The following LDAH variants were observed in gnomAD, a reference collection of about 807,000 sequenced individuals.
The protein encoded by LDAH is lipid droplet associated hydrolase, also known as lipid droplet-associated hydrolase.
In LDAH, 26 loss-of-function variants were observed where a neutral mutation model predicts 29.6. The ratio of observed to expected loss-of-function variants is 0.88; its 90% CI spans 0.64 to 1.22. The LOEUF is 1.22. LDAH is among the 50% of genes most tolerant of loss of function. The pLI, the probability that LDAH is intolerant of heterozygous loss-of-function variation, is 0.00. For synonymous variants in LDAH, 117 were observed against 133.0 expected, an observed-to-expected ratio of 0.88 and a Z score of 0.83; for missense variants, 344 against 387.3, an observed-to-expected ratio of 0.89 and a Z score of 0.94.
In LDAH at chr2:20,781,334, A is replaced by G. The variant is rs531583961; in HGVS notation, c.299-6355T>C. On this transcript the variant is annotated intron_variant, in intron 3 of 6. Coordinates refer to ENST00000237822, the MANE Select transcript of LDAH (RefSeq NM_021925.4). Reference sequence around the variant, plus strand: ...GATTGTGATAATGTGGTCTACTAGAATATTATTTCCAACTGTTCATAATTT... The same window carrying G: ...GATTGTGATAATGTGGTCTACTAGAGTATTATTTCCAACTGTTCATAATTT... Among the ~76,000 whole-genome samples the G allele has an allele frequency of 3.3e-5, 5 of 152,306 alleles. No individual in the cohort carries two copies. In the East Asian group the frequency reaches 7.7e-4, roughly 24 times the overall value.
intron 1 of LDAH, among the ~76,000 whole-genome samples, chr2:20,816,521 A>G (rs1466384021): frequency 2.0e-5 from 3 of 152,106 alleles, no homozygotes; most frequent in African/African-American, 7.2e-5. Flanking sequence ...ATTATTGTAC[A>G]AAGATACAAG....
intron 2 of LDAH, 38 bp downstream of exon 2, chr2:20,801,272 T>A (rs1163207010): frequency 1.3e-6 from 2 of 1,584,088 alleles, no homozygotes; most frequent in Non-Finnish European, 1.7e-6. Context: ...GTTATGAGTA[T>A]CTACAAAAAG....
At chr2:20,696,403 C>T (rs997215706) in intron 6 of LDAH, among the ~76,000 whole-genome samples, 1 of 152,184 alleles carries the variant, frequency 6.6e-6, no homozygotes, top group Non-Finnish European at 1.5e-5. Context: ...TGGCCTGGCC[C>T]TCTGGGGGCA....
At chr2:20,771,147 A>G (rs1044641397) in intron 4 of LDAH, among the ~76,000 whole-genome samples, 1 of 152,158 alleles carries the variant, frequency 6.6e-6, no homozygotes, top group Admixed American at 6.5e-5. Context: ...ATTTTTTTAA[A>G]GGGGCAACTT....
rs1243583200 is a variant in LDAH, at chr2:20,686,356, C to A, written c.*547G>T. 1 of 152,844 alleles carries A rather than the reference C, an allele frequency of 6.5e-6. No homozygotes were observed. Among genetic ancestry groups the A allele is most frequent in the Non-Finnish European group, 1.5e-5 (1 of 68,558 alleles). 9.5% of individuals were successfully genotyped at this position (152,844 alleles called of 1,614,324 possible). ...TTGATGATCTCAGCCAAGATCTGTG[C>A]TAAGTTAGCCTGGGCTCATCTTCAT... On this transcript the variant is annotated 3_prime_UTR_variant, in exon 7 of 7. Transcript: ENST00000237822.
At position 20,801,319 on chromosome 2, in the gene LDAH, T is replaced by C. The variant is rs1490671959; in HGVS notation, c.145A>G (p.Ile49Val). ...SVKRPKLLIF[I>V]IPGNPGFSAF... Reference sequence around the variant, plus strand: ...AGACTTTTACGCTCACCAGGAATAATGAAAATAAGCAGCTTAGGCCTTTTG... The same window carrying C: ...AGACTTTTACGCTCACCAGGAATAACGAAAATAAGCAGCTTAGGCCTTTTG... The change falls in exon 2 of 7, where the codon ATT (isoleucine) becomes GTT (valine). Residue 49 changes from isoleucine to valine, a missense_variant. Coordinates refer to ENST00000237822, the MANE Select transcript of LDAH (RefSeq NM_021925.4). 1.9e-6 allele frequency: 3 copies of C among 1,613,194 alleles called. No individual in the cohort carries two copies. The highest frequency in any genetic ancestry group is 2.5e-6 in the Non-Finnish European group (3 of 1,179,816).
chr2:20,729,379 T>C (rs1034055736), intron 5 of LDAH, among the ~76,000 whole-genome samples: 2 of 152,216 alleles, frequency 1.3e-5, no homozygotes, highest in African/African-American at 4.8e-5. Context: ...AATATACCGT[T>C]AAGAATAATT....
chr2:20,792,826 G>A (rs1671064984), intron 2 of LDAH, among the ~76,000 whole-genome samples: 1 of 152,068 alleles, frequency 6.6e-6, no homozygotes, highest in Non-Finnish European at 1.5e-5. Context: ...CCTAGATGAT[G>A]GGTTGACAGG....
chr2:20,759,318 C>T (rs1249822831), intron 4 of LDAH, among the ~76,000 whole-genome samples: 2 of 152,106 alleles, frequency 1.3e-5, no homozygotes, highest in Non-Finnish European at 2.9e-5. Context: ...ATCAATACAC[C>T]TTCCTGATAC....
chr2:20,738,085 C>T (rs1478178182), intron 5 of LDAH, among the ~76,000 whole-genome samples: 1 of 142,940 alleles, frequency 7.0e-6, no homozygotes, highest in Admixed American at 7.3e-5. Context: ...AACTCTGTCT[C>T]TAAAAAAAAT....
At chr2:20,819,468 G>C (rs571997669) in intron 1 of LDAH, among the ~76,000 whole-genome samples, 3 of 152,054 alleles carry the variant, frequency 2.0e-5, no homozygotes, top group African/African-American at 7.2e-5. Flanking sequence ...AAAAGTCCTC[G>C]CAAATCAATA....
chr2:20,811,018 TC>T (rs1197083158), intron 1 of LDAH, among the ~76,000 whole-genome samples: 57 of 148,516 alleles, frequency 3.8e-4, no homozygotes, highest in African/African-American at 1.4e-3. Flanking sequence ...TATTCGACCT[TC>T]TTTTTTTTTT....
chr2:20,692,127 A>G (rs340599), intron 6 of LDAH, among the ~76,000 whole-genome samples: 73,938 of 152,022 alleles, frequency 0.49, 18,277 homozygotes, highest in African/African-American at 0.58. Context: ...ATCTGGTACT[A>G]GGCTAAGTGG....
rs979351604 is a variant in LDAH, at chr2:20,783,007, A to G, written c.298+7248T>C. 8.5e-5 allele frequency among the ~76,000 whole-genome samples: 13 copies of G among 152,288 alleles called. No individual in the cohort carries two copies. The East Asian group carries it at 2.1e-3, about 25-fold the overall frequency. Reference sequence around the variant, plus strand: ...GTTTTGCTATATCCTACCAATTTTTATAAGTTGTATTTCCACTTTTATTTT... The same window carrying G: ...GTTTTGCTATATCCTACCAATTTTTGTAAGTTGTATTTCCACTTTTATTTT... On this transcript the variant is annotated intron_variant, in intron 3 of 6. Transcript: ENST00000237822.
At chr2:20,699,429 C>G (rs558556697) in intron 6 of LDAH, among the ~76,000 whole-genome samples, 1 of 152,276 alleles carries the variant, frequency 6.6e-6, no homozygotes. Context: ...GTTGATTCAA[C>G]TTCTACCAAT....
intron 3 of LDAH, among the ~76,000 whole-genome samples, chr2:20,788,526 TA>T (rs1464653106): frequency 6.6e-6 from 1 of 152,210 alleles, no homozygotes; most frequent in Non-Finnish European, 1.5e-5. Flanking sequence ...CATCAATGTC[TA>T]AAAGAATCAT....
At chr2:20,704,238 G>T (rs1469950570) in intron 5 of LDAH, among the ~76,000 whole-genome samples, 1 of 152,210 alleles carries the variant, frequency 6.6e-6, no homozygotes, top group Non-Finnish European at 1.5e-5. Flanking sequence ...ATATTAGCAT[G>T]AGTACATATA....
At chr2:20,716,620 C>G (rs1665213165) in intron 5 of LDAH, among the ~76,000 whole-genome samples, 1 of 151,340 alleles carries the variant, frequency 6.6e-6, no homozygotes, top group East Asian at 1.9e-4. Context: ...GAGAAATTCC[C>G]AATGTAAATG....
At chr2:20,776,192 A>C (rs1183754099) in intron 3 of LDAH, among the ~76,000 whole-genome samples, 1 of 152,052 alleles carries the variant, frequency 6.6e-6, no homozygotes, top group Non-Finnish European at 1.5e-5. Context: ...GGCACCCCAA[A>C]CTCAGAAAAA....
Sources: allele counts gnomAD v4.1 joint callset (sites outside exome capture counted in the v4.1 genomes callset), GRCh38; gene constraint gnomAD v4.1.1; transcripts MANE v1.5; gene names NCBI Gene and HGNC (gene_info 2026-07-23, HGNC 2026-07-21).